Variants in PARD3B observed in about 807,000 individuals in gnomAD.
PARD3B encodes partitioning defective 3 homolog B.
Under a neutral mutation model 130.2 loss-of-function variants are expected in PARD3B, and 103 were observed. The ratio of observed to expected loss-of-function variants is 0.79; its 90% CI spans 0.67 to 0.93. The LOEUF (loss-of-function observed/expected upper bound fraction) is 0.93. PARD3B is among the 40% of genes least tolerant of loss of function. The probability of loss-of-function intolerance (pLI) is 0.00; values close to 1 mark genes in which losing one functional copy is unlikely to be tolerated. For synonymous variants in PARD3B, 583 were observed against 553.2 expected (o/e 1.05, Z -0.76); for missense variants, 1,609 against 1,499.2 (o/e 1.07, Z -1.21).
intron 2 of PARD3B, among the ~76,000 whole-genome samples, chr2:204,815,328 G>A (rs2043106496): frequency 6.6e-6 from 1 of 151,842 alleles, no homozygotes. Flanking sequence ...GTTGTTCAAA[G>A]TATTCCCTTA....
intron 4 of PARD3B, among the ~76,000 whole-genome samples, chr2:205,097,735 A>G (rs938464653): frequency 1.2e-4 from 18 of 152,188 alleles, no homozygotes; most frequent in African/African-American, 4.3e-4. Context: ...AGAAATGAAT[A>G]AAACACAGTT....
intron 3 of PARD3B, among the ~76,000 whole-genome samples, chr2:204,982,654 A>T (rs1363981851): frequency 6.6e-6 from 1 of 152,256 alleles, no homozygotes; most frequent in African/African-American, 2.4e-5. Flanking sequence ...AAGCTAAAAG[A>T]TTTTAATTAG....
At chr2:205,127,296 C>CAA (rs34822432) in intron 10 of PARD3B, among the ~76,000 whole-genome samples, 3,600 of 99,892 alleles carry the variant, frequency 0.036, 94 homozygotes, top group Middle Eastern at 0.11. Context: ...GACTCTGTCT[C>CAA]AAAAAAAAAA....
chr2:205,005,610 A>G (rs1000661936), intron 3 of PARD3B, among the ~76,000 whole-genome samples: 2 of 152,186 alleles, frequency 1.3e-5, no homozygotes, highest in Non-Finnish European at 2.9e-5. Flanking sequence ...ACAAAAAGGA[A>G]TGGATTAAGA....
rs1212761033 is a variant in PARD3B, at chr2:205,584,530, T to A, written c.3261-30926T>A. Reference sequence around the variant, plus strand: ...CCATCCCTACTAAAAATACAAAAATTAGCCGGGTGTGGTGGCGGGTGCCTG... The same window carrying A: ...CCATCCCTACTAAAAATACAAAAATAAGCCGGGTGTGGTGGCGGGTGCCTG... On this transcript the variant is annotated intron_variant, in intron 22 of 22. Transcript: ENST00000406610. The surrounding 1 kb of genome is among the most constrained non-coding windows in gnomAD (Gnocchi z 5.5). 6.6e-6 allele frequency among the ~76,000 whole-genome samples: 1 copy of A among 151,792 alleles called. No homozygotes were observed. The highest frequency in any genetic ancestry group is 2.4e-5 in the African/African-American group (1 of 41,318).
At chr2:205,285,873 GT>G (rs1198733123) in intron 16 of PARD3B, among the ~76,000 whole-genome samples, 1 of 152,110 alleles carries the variant, frequency 6.6e-6, no homozygotes, top group African/African-American at 2.4e-5. Flanking sequence ...TACCCATATT[GT>G]CTTTTGATGA....
chr2:205,514,463 C>CTAT (rs972632032), intron 21 of PARD3B, among the ~76,000 whole-genome samples: 31 of 152,024 alleles, frequency 2.0e-4, no homozygotes, highest in African/African-American at 7.5e-4. Flanking sequence ...CCACATGGTG[C>CTAT]TATTTCACAT....
Position 205,244,148 on chromosome 2 carries a change from T to TA in PARD3B, c.2141-1629dup, listed in dbSNP as rs2039469520. ...TGCTTTTATCTAGAAAATAAAGAAA[T>TA]AGCTTAGAAAAGGAGGGCTAGGTGG... On this transcript the variant is annotated intron_variant, in intron 15 of 22. Transcript: ENST00000406610. The surrounding 1 kb of genome is among the most constrained non-coding windows in gnomAD (Gnocchi z 4.7). Among the ~76,000 whole-genome samples, 2 of 152,124 alleles carry TA rather than the reference T, an allele frequency of 1.3e-5. No individual in the cohort carries two copies. Among genetic ancestry groups the TA allele is most frequent in the African/African-American group, 4.8e-5 (2 of 41,428 alleles).
intron 1 of PARD3B, among the ~76,000 whole-genome samples, chr2:204,569,192 A>C (rs2031852363): frequency 6.6e-6 from 1 of 152,212 alleles, no homozygotes; most frequent in Non-Finnish European, 1.5e-5. Flanking sequence ...ATATTTAAAC[A>C]TTCTTGAAAA....
intron 18 of PARD3B, among the ~76,000 whole-genome samples, chr2:205,382,607 A>G (rs2045493155): frequency 6.6e-6 from 1 of 152,070 alleles, no homozygotes. Flanking sequence ...CAGTAGCAAT[A>G]GTTACCATGG....
At chr2:205,331,825 T>C (rs2043146250) in intron 18 of PARD3B, among the ~76,000 whole-genome samples, 1 of 141,606 alleles carries the variant, frequency 7.1e-6, no homozygotes, top group Admixed American at 6.9e-5. Flanking sequence ...CATTTATATT[T>C]GGCCAGGCAC....
At chr2:205,569,094 G>T (rs1335196895) in intron 22 of PARD3B, among the ~76,000 whole-genome samples, 2 of 151,994 alleles carry the variant, frequency 1.3e-5, no homozygotes, top group Non-Finnish European at 1.5e-5. Context: ...AAAAAGTAAC[G>T]ATTATGATCA....
intron 20 of PARD3B, among the ~76,000 whole-genome samples, chr2:205,481,596 C>T (rs2049239978): frequency 1.3e-5 from 2 of 152,264 alleles, no homozygotes; most frequent in East Asian, 1.9e-4. Flanking sequence ...ACAATAATAT[C>T]AAATAATGTC....
At chr2:205,512,654 T>C (rs993569071) in intron 21 of PARD3B, among the ~76,000 whole-genome samples, 1 of 152,212 alleles carries the variant, frequency 6.6e-6, no homozygotes, top group African/African-American at 2.4e-5. Context: ...AGTTGTATCA[T>C]CAACACTTAC....
At chr2:204,878,286 T>A (rs184997533) in intron 2 of PARD3B, among the ~76,000 whole-genome samples, 3 of 152,270 alleles carry the variant, frequency 2.0e-5, no homozygotes, top group Admixed American at 2.0e-4. Context: ...GTGACAATGA[T>A]CTTAAGCAAA....
rs779236654 is a variant in PARD3B at position 205,280,433 on chromosome 2, A to C, written c.2186-20097A>C. On this transcript the variant is annotated intron_variant, in intron 16 of 22. Transcript: ENST00000406610. The surrounding 1 kb of genome is among the most constrained non-coding windows in gnomAD (Gnocchi z 4.7). ...TCAGACTTGTGACTTTGTTCATTAG[A>C]GCAAATGGTTTAATTTTTATTCCAA... 6.6e-6 allele frequency among the ~76,000 whole-genome samples: 1 copy of C among 152,208 alleles called. No individual in the cohort carries two copies. Among genetic ancestry groups the C allele is most frequent in the African/African-American group, 2.4e-5 (1 of 41,452 alleles).
chr2:204,581,379 G>A lies in PARD3B; in HGVS notation c.120+35260G>A, dbSNP rs761042882. 5.9e-5 allele frequency among the ~76,000 whole-genome samples: 9 copies of A among 151,870 alleles called. No individual in the cohort carries two copies. The South Asian group carries it at 6.3e-4, about 11-fold the overall frequency. ...ATTCCATAGTCATTAAAGCCTTGCC[G>A]TGTTCTTGTTATGAACTGATAAATG... On this transcript the variant is annotated intron_variant, in intron 1 of 22. Transcript: ENST00000406610.
At chr2:205,110,644 T>G in intron 5 of PARD3B, among the ~76,000 whole-genome samples, 1 of 151,340 alleles carries the variant, frequency 6.6e-6, no homozygotes, top group East Asian at 1.9e-4. Flanking sequence ...GTTTTTTGTT[T>G]TTTTTGTAAG....
intron 2 of PARD3B, among the ~76,000 whole-genome samples, chr2:204,789,875 T>C (rs10651069): frequency 8.1e-4 from 79 of 97,578 alleles, no homozygotes; most frequent in East Asian, 6.0e-3. Context: ...TTTTCTTCTT[T>C]TTTTTTTTTT....
Sources: gnomAD v4.1 joint callset for allele counts (sites outside exome capture counted in the v4.1 genomes callset) on GRCh38, gnomAD v4.1.1 for gene constraint, Gnocchi (gnomAD v3.1) non-coding constraint, MANE v1.5 for transcripts, NCBI Gene and HGNC (gene_info 2026-07-23, HGNC 2026-07-21) for gene names.